CACNA1A: variants seen among roughly 807,000 people sequenced by gnomAD.
CACNA1A encodes calcium voltage-gated channel subunit alpha1 A.
In CACNA1A, 57 loss-of-function variants were observed where a neutral mutation model predicts 262.4. That is an observed-to-expected ratio of 0.22 (90% CI 0.18 to 0.27). The LOEUF (loss-of-function observed/expected upper bound fraction) is 0.27. Among genes scored for constraint, CACNA1A ranks in the 10% least tolerant of loss-of-function variants. The probability of loss-of-function intolerance (pLI) is 1.00; values close to 1 mark genes in which losing one functional copy is unlikely to be tolerated. For synonymous variants in CACNA1A, 1,431 were observed against 1,419.3 expected, an observed-to-expected ratio of 1.01 and a Z score of -0.18; for missense variants, 2,526 against 3,562.8, an observed-to-expected ratio of 0.71 and a Z score of 7.41.
Position 13,489,003 on chromosome 19 carries a change from C to CTTTT in CACNA1A, c.293+16925_293+16928dup, listed in dbSNP as rs896790084. On this transcript the variant is annotated intron_variant, in intron 1 of 46. Transcript: ENST00000360228. Reference sequence around the variant, plus strand: ...TATTGTAATTAATTTCTTTTCTTTTCTTTTTTTTTTTTTTTTTTTTTTTTT... The same window carrying CTTTT: ...TATTGTAATTAATTTCTTTTCTTTTCTTTTTTTTTTTTTTTTTTTTTTTTTTTTT... Among the ~76,000 whole-genome samples, 291 of 75,236 alleles carry CTTTT rather than the reference C, an allele frequency of 3.9e-3. 6 individuals are homozygous for CTTTT. Among genetic ancestry groups the CTTTT allele is most frequent in the East Asian group, 7.0e-3 (15 of 2,140 alleles). The allele number at this position is 75,236 out of a possible 152,430, so 49.4% of individuals were successfully genotyped here. A position where few individuals can be genotyped will look rare whatever the true frequency, so the allele number is the denominator to read the frequency against.
chr19:13,326,460 T>A (rs1225383447), intron 10 of CACNA1A, among the ~76,000 whole-genome samples: 2 of 152,146 alleles, frequency 1.3e-5, no homozygotes, highest in Admixed American at 6.5e-5. Flanking sequence ...TATCAACTGA[T>A]TCAACAGCGC....
intron 3 of CACNA1A, among the ~76,000 whole-genome samples, chr19:13,397,034 C>G (rs764729054): frequency 5.3e-5 from 8 of 152,190 alleles, no homozygotes; most frequent in Admixed American, 1.3e-4. Flanking sequence ...CTCACCTGTT[C>G]CTATCTCTTT....
chr19:13,329,209 C>T (rs1456339026), intron 10 of CACNA1A, among the ~76,000 whole-genome samples: 1 of 152,112 alleles, frequency 6.6e-6, no homozygotes, highest in African/African-American at 2.4e-5. Context: ...GAACTCTGGC[C>T]CTTGTGGTGG....
intron 1 of CACNA1A, among the ~76,000 whole-genome samples, chr19:13,497,197 T>A (rs1383916800): frequency 6.6e-6 from 1 of 151,922 alleles, no homozygotes; most frequent in Non-Finnish European, 1.5e-5. Flanking sequence ...GAGTAAGCTG[T>A]GAAATGTCTT....
rs4926142 is a variant in CACNA1A at position 13,207,849 on chromosome 19, T to G, written c.6985A>C (p.Arg2329=). 4.8e-6 allele frequency: 7 copies of G among 1,459,466 alleles called. No individual in the cohort carries two copies. Among genetic ancestry groups the G allele is most frequent in the Admixed American group, 4.8e-5 (2 of 41,392 alleles). 90.4% of individuals were successfully genotyped at this position (1,459,466 alleles called of 1,614,324 possible). A position where few individuals can be genotyped will look rare whatever the true frequency, so the allele number is the denominator to read the frequency against. ...QQQQQQQAVA[R]PGRAATSGPR... ...CCGCTGGTGGCCGCCCGGCCCGGCCTGGCCACCGCCTGCTGCTGCTGCTGC... is the reference window on the plus strand; with the variant it reads ...CCGCTGGTGGCCGCCCGGCCCGGCCGGGCCACCGCCTGCTGCTGCTGCTGC... Residue 2329 remains arginine (R), a synonymous_variant, in exon 47 of 47, where the codon AGG becomes CGG. Transcript: ENST00000360228. This position sits in a 1 kb window ranked among gnomAD's most constrained non-coding sequence, Gnocchi z 5.7.
intron 3 of CACNA1A, among the ~76,000 whole-genome samples, chr19:13,391,614 T>C (rs1464196882): frequency 6.6e-6 from 1 of 151,894 alleles, no homozygotes; most frequent in Non-Finnish European, 1.5e-5. Flanking sequence ...GAAGGGGAAA[T>C]TGCCGGGTGC....
intron 9 of CACNA1A, 55 bp downstream of exon 9, chr19:13,332,814 C>T: frequency 1.6e-6 from 2 of 1,220,468 alleles, no homozygotes; most frequent in Non-Finnish European, 1.2e-6. Flanking sequence ...CTCCCCACCA[C>T]AGCTTCTCCC....
chr19:13,359,799 T>C lies in CACNA1A; in HGVS notation c.785A>G (p.Asp262Gly). 2 of 1,506,196 alleles carry C rather than the reference T, an allele frequency of 1.3e-6. No homozygotes were observed. Among genetic ancestry groups the C allele is most frequent in the South Asian group, 2.6e-5 (2 of 76,438 alleles). The allele number at this position is 1,506,196 out of a possible 1,614,324, so 93.3% of individuals were successfully genotyped here. A position where few individuals can be genotyped will look rare whatever the true frequency, so the allele number is the denominator to read the frequency against. ...AGCCGGAGACTCACCCTGAATGTCA[T>C]CTACAAAAGGGAAGGGGAGAAAAGT... ...FHTTCFEEGT[D>G]DIQGESPAPC... The change falls in exon 6 of 47, where the codon GAT (aspartate) becomes GGT (glycine). Residue 262 changes from aspartate to glycine, a missense_variant and splice_region_variant. Physicochemically the swap from Asp to Gly is moderately conservative, Grantham distance 94. Transcript: ENST00000360228.
chr19:13,501,718 A>C (rs77687131), intron 1 of CACNA1A, among the ~76,000 whole-genome samples: 1 of 152,142 alleles, frequency 6.6e-6, no homozygotes, highest in South Asian at 2.1e-4. Context: ...CAGGAGCTGA[A>C]GCAGCACCTC....
Position 13,230,296 on chromosome 19 carries a change from G to GGACA in CACNA1A, c.5401-91_5401-88dup, listed in dbSNP as rs1449878187. The GGACA allele has an allele frequency of 6.2e-6, 9 of 1,451,826 alleles. No individual in the cohort carries two copies. In the East Asian group the frequency reaches 1.6e-4, roughly 26 times the overall value. 89.9% of individuals were successfully genotyped at this position (1,451,826 alleles called of 1,614,324 possible). A position where few individuals can be genotyped will look rare whatever the true frequency, so the allele number is the denominator to read the frequency against. ...GTGAGAAGGATACAGACAGACAGAC[G>GGACA]GACAGACAGACCCAAAGACATGTAC... On this transcript the variant is annotated intron_variant, in intron 35 of 46. Coordinates refer to ENST00000360228, the MANE Select transcript of CACNA1A (RefSeq NM_001127222.2).
intron 38 of CACNA1A, among the ~76,000 whole-genome samples, chr19:13,222,985 G>A (rs548961563): frequency 2.0e-4 from 30 of 152,190 alleles, no homozygotes; most frequent in African/African-American, 7.0e-4. Flanking sequence ...AAGCCACTGC[G>A]CCCAGCCCCT....
In CACNA1A at chr19:13,487,814, T is replaced by C. The variant is rs375319314; in HGVS notation, c.293+18118A>G. Among the ~76,000 whole-genome samples the C allele has an allele frequency of 4.8e-4, 73 of 152,160 alleles. No homozygotes were observed. In the Middle Eastern group the frequency reaches 0.014, roughly 28 times the overall value. ...ACTCGCTCAGCATTTTGGGTTTCTT[T>C]CTTTTTTAGAAATAGGGTCTCACTC... On this transcript the variant is annotated intron_variant, in intron 1 of 46. Coordinates refer to ENST00000360228, the MANE Select transcript of CACNA1A (RefSeq NM_001127222.2).
chr19:13,415,794 C>T (rs1450670413), intron 3 of CACNA1A, among the ~76,000 whole-genome samples: 1 of 121,530 alleles, frequency 8.2e-6, no homozygotes, highest in East Asian at 2.4e-4. Flanking sequence ...CCTCAGAATT[C>T]ACTGAGGCCA....
At chr19:13,298,141 T>A (rs1343108605) in intron 19 of CACNA1A, among the ~76,000 whole-genome samples, 5 of 146,970 alleles carry the variant, frequency 3.4e-5, no homozygotes, top group Admixed American at 6.8e-5. Flanking sequence ...CACTTTTTTT[T>A]TTTTTTTGAG....
intron 12 of CACNA1A, among the ~76,000 whole-genome samples, chr19:13,310,472 A>T (rs1236009716): frequency 6.6e-5 from 3 of 45,176 alleles, no homozygotes; most frequent in African/African-American, 3.5e-4. Flanking sequence ...AAAAAAAAAA[A>T]AAAAAAAAAA....
At chr19:13,469,880 G>A (rs2061320513) in intron 1 of CACNA1A, among the ~76,000 whole-genome samples, 1 of 151,924 alleles carries the variant, frequency 6.6e-6, no homozygotes, top group Non-Finnish European at 1.5e-5. Flanking sequence ...CTCCTGCCTT[G>A]TCAACCTTAC....
intron 30 of CACNA1A, among the ~76,000 whole-genome samples, chr19:13,249,305 A>G (rs543074757): frequency 6.6e-6 from 1 of 152,076 alleles, no homozygotes; most frequent in South Asian, 2.1e-4. Context: ...CCACCAAATG[A>G]AAGCCACTGT....
intron 1 of CACNA1A, 36 bp downstream of exon 1, chr19:13,505,896 G>C: frequency 6.3e-7 from 1 of 1,596,308 alleles, no homozygotes; most frequent in African/African-American, 1.3e-5. Flanking sequence ...AGGAGGGGGA[G>C]GCGCAGCTGC....
intron 1 of CACNA1A, among the ~76,000 whole-genome samples, chr19:13,500,159 G>A (rs992864292): frequency 6.6e-6 from 1 of 152,184 alleles, no homozygotes; most frequent in Non-Finnish European, 1.5e-5. Flanking sequence ...ATCCTAAAAC[G>A]TTGGCACAAG....
Sources: allele counts gnomAD v4.1 joint callset (sites outside exome capture counted in the v4.1 genomes callset), GRCh38; gene constraint gnomAD v4.1.1; non-coding constraint Gnocchi (gnomAD v3.1); transcripts MANE v1.5; gene names NCBI Gene and HGNC (gene_info 2026-07-23, HGNC 2026-07-21).